TERT: variants seen among roughly 807,000 people sequenced by gnomAD.
TERT encodes the protein telomerase reverse transcriptase.
A neutral mutation model predicts 104.0 loss-of-function variants in TERT; 42 were observed. The ratio of observed to expected loss-of-function variants is 0.40; its 90% CI spans 0.32 to 0.52. TERT has a LOEUF of 0.52. Among genes scored for constraint, TERT ranks in the 20% least tolerant of loss-of-function variants. The pLI is 0.43. For synonymous variants in TERT, 781 were observed against 725.6 expected (o/e 1.08, Z -1.23); for missense variants, 1,101 against 1,610.3 (o/e 0.68, Z 5.41).
rs545887137 is a variant in TERT at position 1,293,587 on chromosome 5, G to A, written c.1299C>T (p.Gly433=). 8 of 1,547,626 alleles carry A rather than the reference G, an allele frequency of 5.2e-6. No individual in the cohort carries two copies. In the South Asian group the frequency reaches 7.1e-5, roughly 14 times the overall value. ...CCTCCTCCTCGGGGGCCGCCACAGA[G>A]CCCTGGGGCTTCTCCCGGGCACAGA... The part of the protein sequence containing the change: ...AGVCAREKPQ[G]SVAAPEEEDT... Residue 433 remains glycine, a synonymous_variant, in exon 2 of 16, where the codon GGC becomes GGT. Coordinates refer to ENST00000310581, the MANE Select transcript of TERT (RefSeq NM_198253.3).
chr5:1,259,569 G>A (rs1323679823), intron 12 of TERT, among the ~76,000 whole-genome samples: 6 of 126,912 alleles, frequency 4.7e-5, no homozygotes, highest in South Asian at 2.9e-4. Flanking sequence ...GGGAGTGGAC[G>A]CAGATGCCCA....
intron 13 of TERT, 133 bp downstream of exon 13, chr5:1,258,465 C>G: frequency 1.2e-6 from 1 of 801,100 alleles, no homozygotes. Context: ...GCACAGGCAG[C>G]AGCACCACTG....
At position 1,280,908 on chromosome 5, in the gene TERT, C is replaced by T. The variant is rs373462643; in HGVS notation, c.1770-570G>A. On this transcript the variant is annotated intron_variant, in intron 3 of 15. Coordinates refer to ENST00000310581, the MANE Select transcript of TERT (RefSeq NM_198253.3). ...GGGGGCACGGGGGCTGGAGCGGCCA[C>T]ACCTGGACCTGGGCATCTGTGGCTG... 1.1e-4 allele frequency among the ~76,000 whole-genome samples: 17 copies of T among 152,378 alleles called. 1 individual carries two copies. In the East Asian group the frequency reaches 1.9e-3, roughly 17 times the overall value.
intron 2 of TERT, among the ~76,000 whole-genome samples, chr5:1,285,919 C>A (rs544361488): frequency 6.6e-6 from 1 of 152,092 alleles, no homozygotes; most frequent in South Asian, 2.1e-4. Context: ...TGTTGGGCGA[C>A]AACGGCTCGG....
At chr5:1,284,054 G>A (rs1750278381) in intron 2 of TERT, among the ~76,000 whole-genome samples, 1 of 135,328 alleles carries the variant, frequency 7.4e-6, no homozygotes, top group Non-Finnish European at 1.6e-5. Context: ...TCCGGATACA[G>A]CACATCCAGC....
At chr5:1,254,127 G>A (rs540079055) in intron 15 of TERT, among the ~76,000 whole-genome samples, 15 of 152,304 alleles carry the variant, frequency 9.8e-5, no homozygotes, top group African/African-American at 2.9e-4. Context: ...CCCAAGCGTG[G>A]GGAGCCATCG....
At chr5:1,283,370 C>CCGGACACAGCACA (rs1750192661) in intron 2 of TERT, among the ~76,000 whole-genome samples, 1 of 136,292 alleles carries the variant, frequency 7.3e-6, no homozygotes, top group Non-Finnish European at 1.6e-5. Context: ...CCTGCACCAT[C>CCGGACACAGCACA]TGGATACAGC....
chr5:1,292,605 T>C lies in TERT; in HGVS notation c.1573+708A>G, dbSNP rs546117653. The stretch of plus-strand genomic sequence containing the variant: ...TCAGCTCACTGCAGCCTCCGCCTCC[T>C]GGGTTCAAGTGATTCTCCTGCCTCA... On this transcript the variant is annotated intron_variant, in intron 2 of 15. Transcript: ENST00000310581. The surrounding 1 kb of genome is among the most constrained non-coding windows in gnomAD (Gnocchi z 5.5). 6.6e-6 allele frequency among the ~76,000 whole-genome samples: 1 copy of C among 152,236 alleles called. No homozygotes were observed. Among genetic ancestry groups the C allele is most frequent in the South Asian group, 2.1e-4 (1 of 4,822 alleles).
In TERT at chr5:1,255,453, T is replaced by G. The variant is rs1198323021; in HGVS notation, c.3033-42A>C. On this transcript the variant is annotated intron_variant, in intron 13 of 15. Coordinates refer to ENST00000310581, the MANE Select transcript of TERT (RefSeq NM_198253.3). This position sits in a 1 kb window ranked among gnomAD's most constrained non-coding sequence, Gnocchi z 6.9. Reference sequence around the variant, plus strand: ...CAGCGTCAGAGGAAAGGCCTCCTAATCAGACGGTGCTCGTGGGTGTGGGCA... The same window carrying G: ...CAGCGTCAGAGGAAAGGCCTCCTAAGCAGACGGTGCTCGTGGGTGTGGGCA... 6.2e-7 allele frequency: 1 copy of G among 1,613,328 alleles called. No homozygotes were observed. The highest frequency in any genetic ancestry group is 1.1e-5 in the South Asian group (1 of 90,940).
In TERT at chr5:1,279,190, C is replaced by T. The variant is rs1050339602; in HGVS notation, c.2130+101G>A. The T allele has an allele frequency of 1.0e-4, 137 of 1,352,288 alleles. 2 individuals carry two copies. Among genetic ancestry groups the T allele is most frequent in the South Asian group, 9.1e-4 (65 of 71,818 alleles). The allele number at this position is 1,352,288 out of a possible 1,614,324, so 83.8% of individuals were successfully genotyped here. ...GTGACAGGGTCACCTGCACTCCCTG[C>T]GGCCCACCCAGGAGTACCTCCTCCA... On this transcript the variant is annotated intron_variant, in intron 5 of 15. Transcript: ENST00000310581.
At position 1,294,819 on chromosome 5, in the gene TERT, G is replaced by A. The variant is rs1189644919; in HGVS notation, c.171C>T (p.Cys57=). ...GGGGCGGCCGTGCGTCCCAGGGCAC[G>A]CACACCAGGCACTGGGCCACCAGCG... ...FRALVAQCLV[C]VPWDARPPPA... is the part of the protein sequence containing the mutation. The change falls in exon 1 of 16, where the codon TGC becomes TGT. Residue 57 remains cysteine, a synonymous_variant. Transcript: ENST00000310581. 36 of 1,499,246 alleles carry A rather than the reference G, an allele frequency of 2.4e-5. No individual in the cohort carries two copies. The highest frequency in any genetic ancestry group is 3.0e-5 in the Non-Finnish European group (34 of 1,132,448). 92.9% of individuals were successfully genotyped at this position (1,499,246 alleles called of 1,614,324 possible). A position where few individuals can be genotyped will look rare whatever the true frequency, so the allele number is the denominator to read the frequency against.
At chr5:1,273,850 G>A (rs187379240) in intron 6 of TERT, among the ~76,000 whole-genome samples, 3 of 150,958 alleles carry the variant, frequency 2.0e-5, no homozygotes, top group Non-Finnish European at 2.9e-5. Context: ...CCACAGTCAC[G>A]TGGCACAAGT....
chr5:1,264,743 C>A (rs1222463859), intron 10 of TERT, 151 bp from the exon 11 acceptor site: 1 of 881,958 alleles, frequency 1.1e-6, no homozygotes, highest in South Asian at 1.6e-5. Flanking sequence ...GAGCCTGGAC[C>A]CAGCCCTGCT....
rs1751190674 is a variant in TERT, at chr5:1,293,997, G to A, written c.889C>T (p.Pro297Ser). The change falls in exon 2 of 16, where the codon CCA becomes TCA. Residue 297 changes from proline (P) to serine (S), a missense_variant. Pro to Ser is a moderately conservative substitution (Grantham distance 74). Coordinates refer to ENST00000310581, the MANE Select transcript of TERT (RefSeq NM_198253.3). ...GALSGTRHSHPSVGRQHHAGP... is the reference protein window; with the variant it reads ...GALSGTRHSHSSVGRQHHAGP... Reference sequence around the variant, plus strand: ...GCGTGGTGCTGGCGGCCCACGGATGGGTGGGAGTGGCGCGTGCCAGAGAGC... The same window carrying A: ...GCGTGGTGCTGGCGGCCCACGGATGAGTGGGAGTGGCGCGTGCCAGAGAGC... 1.9e-6 allele frequency: 3 copies of A among 1,577,454 alleles called. No individual in the cohort carries two copies. Among genetic ancestry groups the A allele is most frequent in the Non-Finnish European group, 2.6e-6 (3 of 1,164,864 alleles).
In TERT at chr5:1,254,413, G is replaced by C; in HGVS notation, c.3250C>G (p.Arg1084Gly). ...AGTGGCACGTAGGTGACACGGTGTCGAGTCAGCTTGAGCAGGAATGCTTGG... is the reference window on the plus strand; with the variant it reads ...AGTGGCACGTAGGTGACACGGTGTCCAGTCAGCTTGAGCAGGAATGCTTGG... ...CHQAFLLKLT[R>G]HRVTYVPLLG... The change falls in exon 15 of 16, where the codon CGA becomes GGA. Residue 1084 changes from arginine (R) to glycine (G), a missense_variant. This residue lies in a region of TERT where 463 missense variants were observed against 797.5 expected (regional missense o/e 0.58). Coordinates refer to ENST00000310581, the MANE Select transcript of TERT (RefSeq NM_198253.3). 1 of 1,613,184 alleles carries C rather than the reference G, an allele frequency of 6.2e-7. No homozygotes were observed. The highest frequency in any genetic ancestry group is 8.5e-7 in the Non-Finnish European group (1 of 1,179,950).
Position 1,260,335 on chromosome 5 carries a change from C to T in TERT, c.2970+139G>A, listed in dbSNP as rs34693615. ...ACACATGCACACATGTATGTGCTCA[C>T]GTGTATATGCGTACATGTGCACTCT... On this transcript the variant is annotated intron_variant, in intron 12 of 15. Coordinates refer to ENST00000310581, the MANE Select transcript of TERT (RefSeq NM_198253.3). 169 of 1,338,466 alleles carry T rather than the reference C, an allele frequency of 1.3e-4. No individual in the cohort carries two copies. In the African/African-American group the frequency reaches 1.9e-3, roughly 15 times the overall value. The allele number at this position is 1,338,466 out of a possible 1,614,324, so 82.9% of individuals were successfully genotyped here.
rs1055198790 is a variant in TERT at position 1,287,506 on chromosome 5, A to T, written c.1574-4882T>A. Among the ~76,000 whole-genome samples the T allele has an allele frequency of 7.5e-4, 98 of 130,238 alleles. No individual in the cohort carries two copies. In the South Asian group the frequency reaches 8.7e-3, roughly 12 times the overall value. The allele number at this position is 130,238 out of a possible 152,430, so 85.4% of individuals were successfully genotyped here. A position where few individuals can be genotyped will look rare whatever the true frequency, so the allele number is the denominator to read the frequency against. ...GACCAAGACTCTGTCTCAAAAAAAA[A>T]AAATATATATATATATATATAAATT... On this transcript the variant is annotated intron_variant, in intron 2 of 15. Coordinates refer to ENST00000310581, the MANE Select transcript of TERT (RefSeq NM_198253.3). This position sits in a 1 kb window ranked among gnomAD's most constrained non-coding sequence, Gnocchi z 4.3.
chr5:1,281,860 G>C (rs6554744), intron 3 of TERT, among the ~76,000 whole-genome samples: 21,051 of 152,148 alleles, frequency 0.14, 4,263 homozygotes, highest in African/African-American at 0.45. Flanking sequence ...GGCCAAGGTG[G>C]GTGGATCACC....
chr5:1,264,018 G>A (rs1748410064), intron 11 of TERT, among the ~76,000 whole-genome samples: 1 of 136,974 alleles, frequency 7.3e-6, no homozygotes, highest in Non-Finnish European at 1.5e-5. Flanking sequence ...GCCCAGCAGG[G>A]CCCCAGGGTC....
Sources: gnomAD v4.1 joint callset for allele counts (sites outside exome capture counted in the v4.1 genomes callset) on GRCh38, gnomAD v4.1.1 for gene constraint, gnomAD v4.1.1 regional missense constraint, Gnocchi (gnomAD v3.1) non-coding constraint, MANE v1.5 for transcripts, NCBI Gene and HGNC (gene_info 2026-07-23, HGNC 2026-07-21) for gene names.